Variants in PIK3C2G observed in about 807,000 individuals in gnomAD.
The protein encoded by PIK3C2G is phosphatidylinositol 3-kinase C2 domain-containing subunit gamma.
In PIK3C2G, 168 loss-of-function variants were observed where a neutral mutation model predicts 181.1. That is an observed-to-expected ratio of 0.93 (90% CI 0.82 to 1.05). The LOEUF (loss-of-function observed/expected upper bound fraction) is 1.05. Among genes scored for constraint, PIK3C2G ranks in the 50% least tolerant of loss-of-function variants. The pLI is 0.00. For synonymous variants in PIK3C2G, 573 were observed against 592.2 expected, an observed-to-expected ratio of 0.97 and a Z score of 0.47; for missense variants, 1,869 against 1,732.8, an observed-to-expected ratio of 1.08 and a Z score of -1.40.
intron 11 of PIK3C2G, among the ~76,000 whole-genome samples, chr12:18,355,003 C>T (rs1203708825): frequency 4.6e-5 from 7 of 152,360 alleles, no homozygotes; most frequent in East Asian, 3.9e-4. Flanking sequence ...TCCACATTCA[C>T]TTATGCCATG....
At chr12:18,606,169 G>A (rs1948009722) in intron 30 of PIK3C2G, among the ~76,000 whole-genome samples, 1 of 152,116 alleles carries the variant, frequency 6.6e-6, no homozygotes, top group African/African-American at 2.4e-5. Flanking sequence ...TGAGCAAGAG[G>A]TGGAGGGAGA....
intron 18 of PIK3C2G, among the ~76,000 whole-genome samples, chr12:18,464,715 T>C (rs1044600561): frequency 6.6e-6 from 1 of 152,124 alleles, no homozygotes; most frequent in African/African-American, 2.4e-5. Flanking sequence ...ATGTGTCTTC[T>C]GCAAATTTTG....
Position 18,371,226 on chromosome 12 carries a change from C to T in PIK3C2G, c.1795C>T (p.Leu599Phe). The T allele has an allele frequency of 1.2e-6, 2 of 1,611,770 alleles. No homozygotes were observed. Among genetic ancestry groups the T allele is most frequent in the Non-Finnish European group, 1.7e-6 (2 of 1,178,478 alleles). The part of the protein sequence containing the change: ...EIKSLPRESM[L>F]TVKLFGIACA... ...AAAGTCACTTCCAAGGGAATCCATG[C>T]TCACTGTAAAACTGTTTGGGATTGC... The change falls in exon 13 of 33, where the codon CTC (leucine) becomes TTC (phenylalanine). Residue 599 changes from leucine to phenylalanine, a missense_variant. Physicochemically the swap from Leu to Phe is conservative, Grantham distance 22. Transcript: ENST00000538779.
chr12:18,678,566 T>C, the PIK3C2G span, among the ~76,000 whole-genome samples: 1 of 152,090 alleles, frequency 6.6e-6, no homozygotes, highest in African/African-American at 2.4e-5. Context: ...AAATTTAATT[T>C]GCATTTTTTG....
At chr12:18,684,808 G>C in the PIK3C2G span, among the ~76,000 whole-genome samples, 3 of 151,966 alleles carry the variant, frequency 2.0e-5, no homozygotes, top group Non-Finnish European at 4.4e-5. Context: ...TAATCCCCAG[G>C]TGTTTAGGAA....
the PIK3C2G span, among the ~76,000 whole-genome samples, chr12:18,664,212 G>A: frequency 6.6e-6 from 1 of 152,150 alleles, no homozygotes; most frequent in African/African-American, 2.4e-5. Flanking sequence ...GACACAGTTT[G>A]GTGGTTCCTC....
intron 16 of PIK3C2G, among the ~76,000 whole-genome samples, chr12:18,410,510 GAAAAAAA>G (rs1184793762): frequency 0.012 from 1,026 of 85,434 alleles, 6 homozygotes; most frequent in African/African-American, 0.031. Flanking sequence ...ATCTCAGAAA[GAAAAAAA>G]AAAAAAAAAA....
At chr12:18,267,486 A>G (rs1311442986) in intron 1 of PIK3C2G, among the ~76,000 whole-genome samples, 2 of 152,196 alleles carry the variant, frequency 1.3e-5, no homozygotes, top group African/African-American at 4.8e-5. Context: ...TTCTTGCAGA[A>G]TATTTGCACA....
intron 18 of PIK3C2G, among the ~76,000 whole-genome samples, chr12:18,457,790 A>G (rs1005317899): frequency 1.3e-5 from 2 of 152,198 alleles, no homozygotes; most frequent in African/African-American, 4.8e-5. Flanking sequence ...TTTAAAGTCA[A>G]TGTGAACAAA....
intron 1 of PIK3C2G, among the ~76,000 whole-genome samples, chr12:18,280,284 C>G (rs959115849): frequency 7.9e-5 from 12 of 152,006 alleles, no homozygotes; most frequent in Admixed American, 2.0e-4. Context: ...GTCTGATGAT[C>G]TAACGGAAAA....
At chr12:18,247,728 AGGAAG>A (rs1371184036) in exon 1 of PIK3C2G, 1 of 152,198 alleles carries the variant, frequency 6.6e-6, no homozygotes, top group Non-Finnish European at 1.5e-5. Context: ...GCCTGACAAA[AGGAAG>A]GGAAGATGGA....
chr12:18,627,837 T>C (rs1949171962), intron 31 of PIK3C2G, among the ~76,000 whole-genome samples: 2 of 152,224 alleles, frequency 1.3e-5, no homozygotes, highest in South Asian at 4.1e-4. Flanking sequence ...CATCATATTT[T>C]AATCATCAGT....
the PIK3C2G span, chr12:18,694,861 TAG>T: frequency 7.3e-7 from 1 of 1,370,890 alleles, no homozygotes; most frequent in East Asian, 2.4e-5. Context: ...GTACACTATC[TAG>T]TTTATATAAT....
At chr12:18,665,181 T>TA in the PIK3C2G span, among the ~76,000 whole-genome samples, 11,029 of 151,262 alleles carry the variant, frequency 0.073, 520 homozygotes, top group Non-Finnish European at 0.1. Context: ...AAAAAAAAAT[T>TA]AAAAAAAATA....
intron 19 of PIK3C2G, 35 bp from the exon 20 acceptor site, chr12:18,491,416 T>G: frequency 1.8e-6 from 2 of 1,114,658 alleles, no homozygotes; most frequent in South Asian, 2.7e-5. Context: ...GTTCTTTACA[T>G]TTTCTTAAAT....
At chr12:18,321,101 T>C in intron 7 of PIK3C2G, 69 bp downstream of exon 7, 2 of 836,686 alleles carry the variant, frequency 2.4e-6, no homozygotes, top group South Asian at 3.1e-5. Context: ...TCTCAGTATT[T>C]TTCAGTTGAT....
chr12:18,360,405 T>C (rs1941131443), intron 11 of PIK3C2G, among the ~76,000 whole-genome samples: 1 of 152,192 alleles, frequency 6.6e-6, no homozygotes, highest in Admixed American at 6.5e-5. Context: ...TAAAAGTAAT[T>C]TATTTAGCAC....
Position 18,347,640 on chromosome 12 carries a change from T to G in PIK3C2G, c.1625+804T>G, listed in dbSNP as rs180852589. Among the ~76,000 whole-genome samples the G allele has an allele frequency of 1.3e-3, 198 of 152,106 alleles. No individual in the cohort carries two copies. In the East Asian group the frequency reaches 0.025, roughly 19 times the overall value. The stretch of plus-strand genomic sequence containing the variant: ...GCCTGGACAAAATGGTGAAACCCCG[T>G]CTCTACTAAAAATACAAAAAATTAG... On this transcript the variant is annotated intron_variant, in intron 11 of 32. Coordinates refer to ENST00000538779, the MANE Select transcript of PIK3C2G (RefSeq NM_001288772.2).
intron 16 of PIK3C2G, among the ~76,000 whole-genome samples, chr12:18,401,073 C>T (rs1944225233): frequency 6.6e-6 from 1 of 152,060 alleles, no homozygotes; most frequent in Non-Finnish European, 1.5e-5. Flanking sequence ...TATATTTTCA[C>T]TCACATCTGA....
Sources: allele counts gnomAD v4.1 joint callset (sites outside exome capture counted in the v4.1 genomes callset), GRCh38; gene constraint gnomAD v4.1.1; transcripts MANE v1.5; gene names NCBI Gene and HGNC (gene_info 2026-07-23, HGNC 2026-07-21).